The following TRIB2 variants were observed in gnomAD, a reference collection of about 807,000 sequenced individuals.
TRIB2 encodes the protein tribbles pseudokinase 2.
A neutral mutation model predicts 26.8 loss-of-function variants in TRIB2; 2 were observed. That is an observed-to-expected ratio of 0.07 (90% confidence interval 0.03 to 0.24). The LOEUF (loss-of-function observed/expected upper bound fraction) is 0.24, where lower values mean the gene tolerates loss of function less well. TRIB2 is among the 10% of genes least tolerant of loss of function. The pLI is 1.00. For synonymous variants in TRIB2, 189 were observed against 187.3 expected (o/e 1.01, Z -0.08); for missense variants, 306 against 449.0 (o/e 0.68, Z 2.88).
intron 2 of TRIB2, among the ~76,000 whole-genome samples, chr2:12,725,900 A>T (rs1357704872): frequency 6.6e-6 from 1 of 152,226 alleles, no homozygotes; most frequent in East Asian, 1.9e-4. Context: ...CTTGAGGCTG[A>T]TGCCCTGTAG....
In TRIB2 at chr2:12,740,224, A is replaced by G; in HGVS notation, c.564-102A>G. 1 of 1,111,918 alleles carries G rather than the reference A, an allele frequency of 9.0e-7. No individual in the cohort carries two copies. The highest frequency in any genetic ancestry group is 1.3e-6 in the Non-Finnish European group (1 of 764,310). The allele number at this position is 1,111,918 out of a possible 1,614,324, so 68.9% of individuals were successfully genotyped here. A position where few individuals can be genotyped will look rare whatever the true frequency, so the allele number is the denominator to read the frequency against. On this transcript the variant is annotated intron_variant, in intron 2 of 2. Coordinates refer to ENST00000155926, the MANE Select transcript of TRIB2 (RefSeq NM_021643.4). This position sits in a 1 kb window ranked among gnomAD's most constrained non-coding sequence, Gnocchi z 5.8. Reference sequence around the variant, plus strand: ...TGAATGCGTGAATGAATGAATGTGAATGAGGAGTCTTCAGAAACACTATAG... The same window carrying G: ...TGAATGCGTGAATGAATGAATGTGAGTGAGGAGTCTTCAGAAACACTATAG...
At chr2:12,729,664 G>T (rs1323731247) in intron 2 of TRIB2, among the ~76,000 whole-genome samples, 10 of 152,146 alleles carry the variant, frequency 6.6e-5, no homozygotes, top group Admixed American at 5.2e-4. Context: ...GTTAGAAAGG[G>T]GAGAGCTTCC....
At chr2:12,728,120 G>A (rs1661372651) in intron 2 of TRIB2, among the ~76,000 whole-genome samples, 1 of 152,034 alleles carries the variant, frequency 6.6e-6, no homozygotes, top group Admixed American at 6.5e-5. Context: ...TTTTAGGAAT[G>A]GACCTTGAAA....
Position 12,718,039 on chromosome 2 carries a change from C to G in TRIB2, c.-269C>G. 1 of 503,406 alleles carries G rather than the reference C, an allele frequency of 2.0e-6. No homozygotes were observed. Among genetic ancestry groups the G allele is most frequent in the Non-Finnish European group, 3.5e-6 (1 of 284,200 alleles). The allele number at this position is 503,406 out of a possible 1,614,324, so 31.2% of individuals were successfully genotyped here. A position where few individuals can be genotyped will look rare whatever the true frequency, so the allele number is the denominator to read the frequency against. On this transcript the variant is annotated 5_prime_UTR_variant, in exon 1 of 3. Coordinates refer to ENST00000155926, the MANE Select transcript of TRIB2 (RefSeq NM_021643.4). The surrounding 1 kb of genome is among the most constrained non-coding windows in gnomAD (Gnocchi z 4.0). ...CAGAGTAACTAAAAGTGCGGCGATT[C>G]TGCACATCGCCGACTGCTTTGGGGT...
At chr2:12,733,886 G>A (rs370946452) in intron 2 of TRIB2, among the ~76,000 whole-genome samples, 17 of 152,224 alleles carry the variant, frequency 1.1e-4, no homozygotes, top group East Asian at 3.9e-4. Context: ...GGATGGGGGT[G>A]GGGGGAGAAT....
chr2:12,717,254 C>T lies in TRIB2; in HGVS notation c.-1054C>T. 2.5e-6 allele frequency: 1 copy of T among 397,784 alleles called. No homozygotes were observed. Among genetic ancestry groups the T allele is most frequent in the Non-Finnish European group, 4.4e-6 (1 of 225,748 alleles). The allele number at this position is 397,784 out of a possible 1,614,324, so 24.6% of individuals were successfully genotyped here. The stretch of plus-strand genomic sequence containing the variant: ...GGGGTGATTGCAAATTATTCCAGGA[C>T]GAGATCCAGTTCTCCAGCGGGAAAG... On this transcript the variant is annotated 5_prime_UTR_variant, in exon 1 of 3. The change creates a new upstream start codon in the 5' untranslated region. Coordinates refer to ENST00000155926, the MANE Select transcript of TRIB2 (RefSeq NM_021643.4). This position sits in a 1 kb window ranked among gnomAD's most constrained non-coding sequence, Gnocchi z 4.8.
chr2:12,725,690 A>G (rs148787439), intron 2 of TRIB2, among the ~76,000 whole-genome samples: 151 of 152,372 alleles, frequency 9.9e-4, no homozygotes, highest in Middle Eastern at 6.8e-3. Context: ...AGAAAGGAGT[A>G]TCCAGTGTGA....
chr2:12,723,651 G>T, intron 2 of TRIB2, 99 bp downstream of exon 2: 1 of 1,392,656 alleles, frequency 7.2e-7, no homozygotes, highest in East Asian at 2.3e-5. Flanking sequence ...GCCGTCTGTG[G>T]TCCAGATGAG....
chr2:12,733,322 A>G (rs1332467522), intron 2 of TRIB2, among the ~76,000 whole-genome samples: 2 of 152,218 alleles, frequency 1.3e-5, no homozygotes, highest in Non-Finnish European at 2.9e-5. Context: ...AGTGCTGAAT[A>G]AACTGCACCA....
rs199911383 is a variant in TRIB2 at position 12,719,569 on chromosome 2, GCTGA to G, written c.270+996_270+999del. ...TTCTTTGTCACTTAATTTTAGATTT[GCTGA>G]CTGTTTTTTTTTTTTTTTGAGGGGG... On this transcript the variant is annotated intron_variant, in intron 1 of 2. Coordinates refer to ENST00000155926, the MANE Select transcript of TRIB2 (RefSeq NM_021643.4). Among the ~76,000 whole-genome samples, 280 of 135,378 alleles carry G rather than the reference GCTGA, an allele frequency of 2.1e-3. 2 individuals are homozygous for G. Among genetic ancestry groups the G allele is most frequent in the Admixed American group, 3.1e-3 (40 of 12,826 alleles). The allele number at this position is 135,378 out of a possible 152,430, so 88.8% of individuals were successfully genotyped here.
At chr2:12,720,785 A>G (rs1485426281) in intron 1 of TRIB2, among the ~76,000 whole-genome samples, 1 of 152,230 alleles carries the variant, frequency 6.6e-6, no homozygotes, top group Non-Finnish European at 1.5e-5. Flanking sequence ...AAACAAAATA[A>G]TCAAGGCTGC....
chr2:12,731,235 G>A (rs548458935), intron 2 of TRIB2, among the ~76,000 whole-genome samples: 1 of 152,156 alleles, frequency 6.6e-6, no homozygotes, highest in Non-Finnish European at 1.5e-5. Context: ...GTAGGGATGG[G>A]GAGGTCCCAG....
At position 12,732,925 on chromosome 2, in the gene TRIB2, A is replaced by T. The variant is rs1661487498; in HGVS notation, c.564-7401A>T. On this transcript the variant is annotated intron_variant, in intron 2 of 2. Coordinates refer to ENST00000155926, the MANE Select transcript of TRIB2 (RefSeq NM_021643.4). This position sits in a 1 kb window ranked among gnomAD's most constrained non-coding sequence, Gnocchi z 4.2. ...GGACGGCCTTCAGTGACTTCTCTGG[A>T]TTTCACTGACCTTAGGCCACCGGAC... Among the ~76,000 whole-genome samples the T allele has an allele frequency of 6.6e-6, 1 of 151,952 alleles. No individual in the cohort carries two copies. Among genetic ancestry groups the T allele is most frequent in the African/African-American group, 2.4e-5 (1 of 41,340 alleles).
rs554665397 is a variant in TRIB2, at chr2:12,732,772, C to T, written c.564-7554C>T. ...GGCCCTTGGTAGCAGCCGCCCCGGG[C>T]GGGACCCTGGCTTTCACAGCTGGAC... On this transcript the variant is annotated intron_variant, in intron 2 of 2. Transcript: ENST00000155926. This position sits in a 1 kb window ranked among gnomAD's most constrained non-coding sequence, Gnocchi z 4.2. Among the ~76,000 whole-genome samples the T allele has an allele frequency of 1.3e-4, 20 of 152,358 alleles. No homozygotes were observed. The highest frequency in any genetic ancestry group is 2.0e-4 in the Admixed American group (3 of 15,308).
chr2:12,723,241 A>G lies in TRIB2; in HGVS notation c.271-19A>G, dbSNP rs946517872. On this transcript the variant is annotated intron_variant, in intron 1 of 2. Coordinates refer to ENST00000155926, the MANE Select transcript of TRIB2 (RefSeq NM_021643.4). The stretch of plus-strand genomic sequence containing the variant: ...AAGAGGCACCTCTGACTTTGGTCTT[A>G]CTGTTAATCCTGTCGTAGGTGTTTG... 1.2e-6 allele frequency: 2 copies of G among 1,603,162 alleles called. No individual in the cohort carries two copies. Among genetic ancestry groups the G allele is most frequent in the African/African-American group, 1.3e-5 (1 of 74,874 alleles).
chr2:12,722,872 T>C (rs1282913427), intron 1 of TRIB2, among the ~76,000 whole-genome samples: 2 of 152,238 alleles, frequency 1.3e-5, no homozygotes, highest in African/African-American at 2.4e-5. Flanking sequence ...GTTGATGTCA[T>C]TGAGGTGGAT....
chr2:12,728,420 C>T (rs961589211), intron 2 of TRIB2, among the ~76,000 whole-genome samples: 32 of 152,192 alleles, frequency 2.1e-4, no homozygotes, highest in African/African-American at 7.7e-4. Context: ...TTATGCTGCT[C>T]AAGGAAGGTG....
chr2:12,736,919 T>C (rs1211134685), intron 2 of TRIB2, among the ~76,000 whole-genome samples: 1 of 152,172 alleles, frequency 6.6e-6, no homozygotes. Context: ...TTTAATAACC[T>C]TCATTCGAGC....
intron 2 of TRIB2, among the ~76,000 whole-genome samples, chr2:12,729,513 A>G (rs1661409903): frequency 6.6e-6 from 1 of 152,196 alleles, no homozygotes; most frequent in Admixed American, 6.5e-5. Context: ...CTATTTCCAA[A>G]GTTTCCCATC....
Sources: gnomAD v4.1 joint callset for allele counts (sites outside exome capture counted in the v4.1 genomes callset) on GRCh38, gnomAD v4.1.1 for gene constraint, Gnocchi (gnomAD v3.1) non-coding constraint, MANE v1.5 for transcripts, NCBI Gene and HGNC (gene_info 2026-07-23, HGNC 2026-07-21) for gene names.